Variants in ROBO2 observed in about 807,000 individuals in gnomAD.
ROBO2 encodes roundabout guidance receptor 2, also known as roundabout homolog 2.
ROBO2 carries 53 observed loss-of-function variants against 160.8 expected under a neutral mutation model. The observed-to-expected ratio is 0.33, with a 90% CI of 0.26 to 0.41. The LOEUF (loss-of-function observed/expected upper bound fraction) is 0.41. Ranked by LOEUF, ROBO2 falls within the 10% of genes least tolerant of loss-of-function variation. ROBO2 has a pLI of 1.00. For missense variants in ROBO2, 1,577 were observed against 1,722.4 expected (o/e 0.92, Z 1.49); for synonymous variants, 664 against 611.7 (o/e 1.09, Z -1.26).
chr3:76,364,915 ACT>A (rs1177612928), intron 2 of ROBO2, among the ~76,000 whole-genome samples: 17 of 151,926 alleles, frequency 1.1e-4, no homozygotes, highest in Admixed American at 9.2e-4. Flanking sequence ...GATTCTAAAG[ACT>A]CTCTACCTGT....
intron 2 of ROBO2, among the ~76,000 whole-genome samples, chr3:77,266,607 G>A (rs920149155): frequency 6.6e-6 from 1 of 152,006 alleles, no homozygotes; most frequent in Non-Finnish European, 1.5e-5. Context: ...TTCTTTCTTG[G>A]AACGTTGGGT....
chr3:75,936,668 C>A (rs1576208525), intron 1 of ROBO2, among the ~76,000 whole-genome samples: 1 of 152,058 alleles, frequency 6.6e-6, no homozygotes, highest in African/African-American at 2.4e-5. Flanking sequence ...TCATTTTTGA[C>A]ACTTATCCAT....
chr3:76,964,322 C>G (rs2079904533), intron 2 of ROBO2, among the ~76,000 whole-genome samples: 1 of 151,826 alleles, frequency 6.6e-6, no homozygotes, highest in African/African-American at 2.4e-5. Flanking sequence ...TTAATATACT[C>G]CTTTTGTTTT....
chr3:76,385,332 T>C (rs2076831817), intron 2 of ROBO2, among the ~76,000 whole-genome samples: 1 of 152,128 alleles, frequency 6.6e-6, no homozygotes. Flanking sequence ...TTTCAAATAT[T>C]TAAAAATCAT....
chr3:76,680,610 A>T (rs2092534841), intron 2 of ROBO2, among the ~76,000 whole-genome samples: 1 of 152,054 alleles, frequency 6.6e-6, no homozygotes, highest in South Asian at 2.1e-4. Flanking sequence ...TTCCCACATA[A>T]AATAGTCTCA....
At position 75,993,623 on chromosome 3, in the gene ROBO2, G is replaced by T. The variant is rs185018147; in HGVS notation, c.109+56021G>T. On this transcript the variant is annotated intron_variant, in intron 2 of 26. Transcript: ENST00000487694. ...GTTTTTTTAATTCGCAATTTTAGGT[G>T]GAAACTGTACCAGCTTGCTTGCTAA... Among the ~76,000 whole-genome samples the T allele has an allele frequency of 2.0e-4, 31 of 152,154 alleles. No individual in the cohort carries two copies. In the East Asian group the frequency reaches 6.0e-3, roughly 29 times the overall value.
chr3:76,928,818 C>T (rs1559717967), intron 2 of ROBO2, among the ~76,000 whole-genome samples: 2 of 152,166 alleles, frequency 1.3e-5, no homozygotes, highest in African/African-American at 2.4e-5. Flanking sequence ...CTCTCACCTC[C>T]GTGGTTAACT....
At chr3:75,981,422 T>C (rs192864418) in intron 2 of ROBO2, among the ~76,000 whole-genome samples, 2 of 151,474 alleles carry the variant, frequency 1.3e-5, no homozygotes, top group African/African-American at 4.8e-5. Context: ...TTATATAGTA[T>C]GTATTAAATG....
At chr3:76,854,719 AT>A (rs2069848430) in intron 2 of ROBO2, among the ~76,000 whole-genome samples, 1 of 152,162 alleles carries the variant, frequency 6.6e-6, no homozygotes, top group South Asian at 2.1e-4. Context: ...TACAGCTCAA[AT>A]TTTTGTTGGC....
intron 2 of ROBO2, among the ~76,000 whole-genome samples, chr3:77,295,708 T>G (rs1002935080): frequency 7.3e-6 from 1 of 136,630 alleles, no homozygotes; most frequent in Non-Finnish European, 1.6e-5. Flanking sequence ...GCTAGATCAC[T>G]AAAGACATAA....
At chr3:76,443,614 G>A (rs1318610196) in intron 2 of ROBO2, among the ~76,000 whole-genome samples, 1 of 152,108 alleles carries the variant, frequency 6.6e-6, no homozygotes, top group African/African-American at 2.4e-5. Flanking sequence ...GGTCTACCAT[G>A]TACAAGGTAA....
chr3:76,371,607 T>C (rs2108484126), intron 2 of ROBO2, among the ~76,000 whole-genome samples: 1 of 152,098 alleles, frequency 6.6e-6, no homozygotes, highest in Admixed American at 6.6e-5. Context: ...GCATATCAAA[T>C]GTTTACTCTA....
chr3:76,262,485 T>C, intron 2 of ROBO2, among the ~76,000 whole-genome samples: 1 of 152,138 alleles, frequency 6.6e-6, no homozygotes, highest in Non-Finnish European at 1.5e-5. Flanking sequence ...TTCATTGACT[T>C]TGACACAGCT....
chr3:76,408,953 G>T (rs2075353219), intron 2 of ROBO2, among the ~76,000 whole-genome samples: 1 of 151,080 alleles, frequency 6.6e-6, no homozygotes, highest in Non-Finnish European at 1.5e-5. Flanking sequence ...AGATTGCAGG[G>T]TTTCAAAATG....
At chr3:76,309,387 A>C (rs1181157967) in intron 2 of ROBO2, among the ~76,000 whole-genome samples, 1 of 152,218 alleles carries the variant, frequency 6.6e-6, no homozygotes, top group Non-Finnish European at 1.5e-5. Context: ...TGAAAGTTGA[A>C]TACAGGGTGA....
At chr3:76,597,049 T>C (rs907421228) in intron 2 of ROBO2, among the ~76,000 whole-genome samples, 17 of 152,122 alleles carry the variant, frequency 1.1e-4, no homozygotes, top group African/African-American at 3.6e-4. Flanking sequence ...TAATTGGACA[T>C]CCACAGTAAA....
intron 2 of ROBO2, among the ~76,000 whole-genome samples, chr3:76,337,366 C>T (rs1195092133): frequency 6.6e-6 from 1 of 152,104 alleles, no homozygotes; most frequent in African/African-American, 2.4e-5. Context: ...TTGTTAGGTC[C>T]ACTTAGGTAA....
intron 2 of ROBO2, among the ~76,000 whole-genome samples, chr3:76,214,518 C>T (rs868462130): frequency 6.6e-6 from 1 of 152,190 alleles, no homozygotes; most frequent in Non-Finnish European, 1.5e-5. Flanking sequence ...AGATTATATC[C>T]CGCACCTGGC....
At chr3:76,052,099 A>G (rs757756005) in intron 2 of ROBO2, among the ~76,000 whole-genome samples, 24 of 152,258 alleles carry the variant, frequency 1.6e-4, no homozygotes, top group Non-Finnish European at 2.8e-4. Context: ...TTCTCAATCT[A>G]TTTTAAAAAC....
Sources: allele counts gnomAD v4.1 joint callset (sites outside exome capture counted in the v4.1 genomes callset), GRCh38; gene constraint gnomAD v4.1.1; transcripts MANE v1.5; gene names NCBI Gene and HGNC (gene_info 2026-07-23, HGNC 2026-07-21).